CUL3: variants seen among roughly 807,000 people sequenced by gnomAD.
CUL3 encodes the protein cullin 3, also known as cullin-3.
CUL3 carries 19 observed loss-of-function variants against 89.1 expected under a neutral mutation model. The ratio of observed to expected loss-of-function variants is 0.21; its 90% CI spans 0.15 to 0.31. The LOEUF is 0.31. CUL3 is among the 10% of genes least tolerant of loss of function. The pLI is 1.00. For missense variants in CUL3, 469 were observed against 942.3 expected (o/e 0.50, Z 6.58); for synonymous variants, 351 against 308.4 (o/e 1.14, Z -1.45).
At chr2:224,570,635 G>C (rs1264420376) in intron 1 of CUL3, among the ~76,000 whole-genome samples, 1 of 151,866 alleles carries the variant, frequency 6.6e-6, no homozygotes, top group Non-Finnish European at 1.5e-5. Context: ...AAAAAGAGCT[G>C]ATGCCAAGGA....
intron 5 of CUL3, among the ~76,000 whole-genome samples, chr2:224,512,634 T>A (rs1020123744): frequency 1.3e-5 from 2 of 152,208 alleles, no homozygotes; most frequent in Non-Finnish European, 2.9e-5. Context: ...CCAATTTCTA[T>A]CAATAGTACC....
At chr2:224,512,257 G>A (rs1197896565) in intron 5 of CUL3, among the ~76,000 whole-genome samples, 5 of 151,852 alleles carry the variant, frequency 3.3e-5, no homozygotes, top group African/African-American at 9.7e-5. Context: ...CACCACGCCC[G>A]GCTAATTTTT....
chr2:224,540,831 C>A (rs1253376239), intron 2 of CUL3, among the ~76,000 whole-genome samples: 1 of 152,128 alleles, frequency 6.6e-6, no homozygotes, highest in African/African-American at 2.4e-5. Context: ...CTCCAACAGG[C>A]CCTGGTGTGT....
At position 224,585,266 on chromosome 2, in the gene CUL3, C is replaced by G. The variant is rs1695558872; in HGVS notation, c.-257G>C. The G allele has an allele frequency of 2.5e-6, 1 of 397,228 alleles. No homozygotes were observed. Among genetic ancestry groups the G allele is most frequent in the East Asian group, 3.6e-5 (1 of 28,000 alleles). 24.6% of individuals were successfully genotyped at this position (397,228 alleles called of 1,614,324 possible). On this transcript the variant is annotated 5_prime_UTR_variant, in exon 1 of 16. Coordinates refer to ENST00000264414, the MANE Select transcript of CUL3 (RefSeq NM_003590.5). ...GGCGCGGCGGCTCCGCGGGGTCCCC[C>G]TCACGTCCGGCTCGGCTCCCTTTAT...
At chr2:224,538,144 A>G (rs1349554434) in intron 2 of CUL3, among the ~76,000 whole-genome samples, 1 of 152,190 alleles carries the variant, frequency 6.6e-6, no homozygotes, top group East Asian at 1.9e-4. Context: ...TTATTTTTCA[A>G]TTATGCATAC....
rs1276003399 is a variant in CUL3, at chr2:224,473,176, T to C, written c.*1069A>G. On this transcript the variant is annotated 3_prime_UTR_variant, in exon 16 of 16. Coordinates refer to ENST00000264414, the MANE Select transcript of CUL3 (RefSeq NM_003590.5). ...ACTTTCCAAAACACAGCTGCAAGAA[T>C]TGAAGATTTCATTAAAACTATCAAG... 1 of 198,442 alleles carries C rather than the reference T, an allele frequency of 5.0e-6. No homozygotes were observed. The highest frequency in any genetic ancestry group is 2.3e-5 in the African/African-American group (1 of 43,438). 12.3% of individuals were successfully genotyped at this position (198,442 alleles called of 1,614,324 possible).
At chr2:224,582,389 G>A (rs1341470570) in intron 1 of CUL3, among the ~76,000 whole-genome samples, 2 of 152,124 alleles carry the variant, frequency 1.3e-5, no homozygotes, top group Non-Finnish European at 2.9e-5. Flanking sequence ...TAAGCACACG[G>A]TTAGTAAGAT....
chr2:224,481,128 T>A (rs892152428), intron 14 of CUL3, among the ~76,000 whole-genome samples: 2 of 152,120 alleles, frequency 1.3e-5, no homozygotes, highest in African/African-American at 2.4e-5. Context: ...AACATTTTTT[T>A]AAAATCAACA....
chr2:224,554,961 T>G (rs556133187), intron 2 of CUL3, among the ~76,000 whole-genome samples: 6 of 152,312 alleles, frequency 3.9e-5, no homozygotes, highest in African/African-American at 1.4e-4. Context: ...TATAGTTTGC[T>G]CCTAAGATTC....
chr2:224,528,617 T>C (rs1693569929), intron 3 of CUL3, among the ~76,000 whole-genome samples: 1 of 152,192 alleles, frequency 6.6e-6, no homozygotes, highest in Non-Finnish European at 1.5e-5. Context: ...TGGTCCTACC[T>C]TCTACCTTAC....
At chr2:224,480,710 C>A (rs776470855) in intron 14 of CUL3, among the ~76,000 whole-genome samples, 1 of 152,212 alleles carries the variant, frequency 6.6e-6, no homozygotes, top group Non-Finnish European at 1.5e-5. Context: ...AATATTCCCA[C>A]ATATTTTCCT....
chr2:224,562,490 T>C (rs1009085945), intron 1 of CUL3, among the ~76,000 whole-genome samples: 8 of 151,716 alleles, frequency 5.3e-5, no homozygotes, highest in African/African-American at 1.9e-4. Context: ...ATACAAAAAA[T>C]AGCCGGATGT....
rs3820764 is a variant in CUL3 at position 224,482,326 on chromosome 2, T to A, written c.1843-248A>T. 0.18 allele frequency among the ~76,000 whole-genome samples: 28,101 copies of A among 152,050 alleles called. 2,945 individuals carry two copies. The highest frequency in any genetic ancestry group is 0.27 in the South Asian group (1,303 of 4,818). ...TACTTTTTTGTTTCAGGAGATACAATGGCTAATCCAAAAATGTTATCCAGC... is the reference window on the plus strand; with the variant it reads ...TACTTTTTTGTTTCAGGAGATACAAAGGCTAATCCAAAAATGTTATCCAGC... On this transcript the variant is annotated intron_variant, in intron 13 of 15. Coordinates refer to ENST00000264414, the MANE Select transcript of CUL3 (RefSeq NM_003590.5).
chr2:224,544,562 T>C (rs943743002), intron 2 of CUL3, among the ~76,000 whole-genome samples: 2 of 152,114 alleles, frequency 1.3e-5, no homozygotes, highest in African/African-American at 4.8e-5. Flanking sequence ...AATTTCCACT[T>C]AAAACATACT....
intron 13 of CUL3, among the ~76,000 whole-genome samples, chr2:224,492,188 A>C (rs764444984): frequency 2.0e-5 from 3 of 152,206 alleles, no homozygotes; most frequent in African/African-American, 7.2e-5. Flanking sequence ...AAAGTTCGCT[A>C]AACAGCCTTC....
intron 1 of CUL3, among the ~76,000 whole-genome samples, chr2:224,575,688 TATC>T (rs1385258421): frequency 2.0e-5 from 3 of 152,238 alleles, no homozygotes; most frequent in African/African-American, 7.2e-5. Context: ...ATGAGGTAGG[TATC>T]ATCATTTTTT....
At position 224,512,102 on chromosome 2, in the gene CUL3, C is replaced by CTT. The variant is rs71062934; in HGVS notation, c.655-522_655-521dup. 2.6e-3 allele frequency among the ~76,000 whole-genome samples: 380 copies of CTT among 146,200 alleles called. 8 individuals carry two copies. Among genetic ancestry groups the CTT allele is most frequent in the African/African-American group, 8.6e-3 (341 of 39,798 alleles). Reference sequence around the variant, plus strand: ...TTAAATAACTATTCATCTTTTTTTTCTTTTTTTTTTTGAGACAGAGTCTCG... The same window carrying CTT: ...TTAAATAACTATTCATCTTTTTTTTCTTTTTTTTTTTTTGAGACAGAGTCTCG... On this transcript the variant is annotated intron_variant, in intron 5 of 15. Transcript: ENST00000264414.
intron 11 of CUL3, among the ~76,000 whole-genome samples, chr2:224,498,231 C>T (rs563791299): frequency 7.2e-5 from 11 of 152,168 alleles, no homozygotes; most frequent in African/African-American, 1.9e-4. Flanking sequence ...TACCACAGTA[C>T]GAAAAATACT....
Position 224,471,300 on chromosome 2 carries a change from C to G in CUL3, c.*2945G>C, listed in dbSNP as rs41529948. ...AAAGTCTTAAGTTACAGTAGACAGG[C>G]AAAGATAAAAATCTTTAACACTAGT... On this transcript the variant is annotated 3_prime_UTR_variant, in exon 16 of 16. Transcript: ENST00000264414. 903 of 204,628 alleles carry G rather than the reference C, an allele frequency of 4.4e-3. 3 individuals are homozygous for G. Among genetic ancestry groups the G allele is most frequent in the Non-Finnish European group, 6.9e-3 (688 of 99,972 alleles). The allele number at this position is 204,628 out of a possible 1,614,324, so 12.7% of individuals were successfully genotyped here. A position where few individuals can be genotyped will look rare whatever the true frequency, so the allele number is the denominator to read the frequency against.
Sources: gnomAD v4.1 joint callset for allele counts (sites outside exome capture counted in the v4.1 genomes callset) on GRCh38, gnomAD v4.1.1 for gene constraint, MANE v1.5 for transcripts, NCBI Gene and HGNC (gene_info 2026-07-23, HGNC 2026-07-21) for gene names.